SSC4D: variants seen among roughly 807,000 people sequenced by gnomAD.
The protein encoded by SSC4D is scavenger receptor cysteine-rich domain-containing group B protein.
In SSC4D, 57 loss-of-function variants were observed where a neutral mutation model predicts 63.4. That is an observed-to-expected ratio of 0.90 (90% CI 0.73 to 1.12). The LOEUF (loss-of-function observed/expected upper bound fraction) is 1.12, where lower values mean the gene tolerates loss of function less well. SSC4D is among the 50% of genes most tolerant of loss of function. The pLI is 0.00. For missense variants in SSC4D, 791 were observed against 806.4 expected, an observed-to-expected ratio of 0.98 and a Z score of 0.23; for synonymous variants, 352 against 345.4, an observed-to-expected ratio of 1.02 and a Z score of -0.21.
intron 7 of SSC4D, among the ~76,000 whole-genome samples, chr7:76,394,311 C>T (rs113110932): frequency 2.3e-3 from 351 of 152,192 alleles, no homozygotes; most frequent in African/African-American, 8.1e-3. Context: ...GTGGTGCGAT[C>T]ATAGCTCACT....
intron 10 of SSC4D, among the ~76,000 whole-genome samples, chr7:76,390,677 C>T (rs903798198): frequency 6.6e-6 from 1 of 152,004 alleles, no homozygotes; most frequent in East Asian, 1.9e-4. Context: ...ATTAGCTGGG[C>T]GTGGTGGCGG....
chr7:76,406,090 A>T (rs1234810468), intron 1 of SSC4D, among the ~76,000 whole-genome samples: 1 of 151,978 alleles, frequency 6.6e-6, no homozygotes, highest in Non-Finnish European at 1.5e-5. Flanking sequence ...GGTTCAAGCG[A>T]TTCTCCTGCC....
chr7:76,393,254 G>A, intron 9 of SSC4D, 151 bp downstream of exon 9: 1 of 773,892 alleles, frequency 1.3e-6, no homozygotes, highest in Non-Finnish European at 1.7e-6. Flanking sequence ...CCGCAGAGCG[G>A]GCGCACGGCG....
intron 1 of SSC4D, among the ~76,000 whole-genome samples, chr7:76,406,261 A>G (rs1167839498): frequency 6.6e-6 from 1 of 152,128 alleles, no homozygotes; most frequent in East Asian, 1.9e-4. Flanking sequence ...TACAGGCATG[A>G]GCCACCGCAC....
At chr7:76,403,739 G>C (rs1804904812) in intron 2 of SSC4D, among the ~76,000 whole-genome samples, 1 of 151,704 alleles carries the variant, frequency 6.6e-6, no homozygotes, top group South Asian at 2.1e-4. Context: ...TTGGCTCACT[G>C]CAACCTCCAC....
chr7:76,393,493 G>A lies in SSC4D; in HGVS notation c.1245C>T (p.Gly415=). Residue 415 remains glycine, a synonymous_variant, in exon 9 of 11, where the codon GGC becomes GGT. Transcript: ENST00000275560. ...AGCAGTCGCTCAGGCGAGCCTCGGT[G>A]CCGGCGCAGCCCACGTTGTCCAGCA... The part of the protein sequence containing the change: ...PVLLDNVGCA[G]TEARLSDCFH... 6.6e-7 allele frequency: 1 copy of A among 1,523,228 alleles called. No homozygotes were observed. 94.4% of individuals were successfully genotyped at this position (1,523,228 alleles called of 1,614,324 possible). A position where few individuals can be genotyped will look rare whatever the true frequency, so the allele number is the denominator to read the frequency against.
rs746892123 is a variant in SSC4D at position 76,400,552 on chromosome 7, C to G, written c.209G>C (p.Arg70Pro). 1 of 1,517,598 alleles carries G rather than the reference C, an allele frequency of 6.6e-7. No individual in the cohort carries two copies. Among genetic ancestry groups the G allele is most frequent in the South Asian group, 1.2e-5 (1 of 80,280 alleles). The allele number at this position is 1,517,598 out of a possible 1,614,324, so 94.0% of individuals were successfully genotyped here. A position where few individuals can be genotyped will look rare whatever the true frequency, so the allele number is the denominator to read the frequency against. ...LVGGPSRCRG[R>P]LEVMHGGSWG... The stretch of plus-strand genomic sequence containing the variant: ...GGAGCCACCGTGCATGACTTCCAGG[C>G]GGCCCCGGCAGCGGCTGGGGCCCCC... Residue 70 changes from arginine (R) to proline (P), a missense_variant, in exon 4 of 11, where the codon CGC becomes CCC. Coordinates refer to ENST00000275560, the MANE Select transcript of SSC4D (RefSeq NM_080744.2).
chr7:76,394,836 TTATATATAAGATATATATAA>T (rs1554621492), intron 7 of SSC4D, among the ~76,000 whole-genome samples: 1 of 144,488 alleles, frequency 6.9e-6, no homozygotes, highest in South Asian at 2.1e-4. Flanking sequence ...ATGATATATA[TTATATATAAGATATATATAA>T]TATATATAAG....
Position 76,400,554 on chromosome 7 carries a change from GC to G in SSC4D, c.206del (p.Gly69AlafsTer26). 1 of 1,510,064 alleles carries G rather than the reference GC, an allele frequency of 6.6e-7. No individual in the cohort carries two copies. Among genetic ancestry groups the G allele is most frequent in the Non-Finnish European group, 8.9e-7 (1 of 1,126,024 alleles). The allele number at this position is 1,510,064 out of a possible 1,614,324, so 93.5% of individuals were successfully genotyped here. A position where few individuals can be genotyped will look rare whatever the true frequency, so the allele number is the denominator to read the frequency against. On this transcript the variant is annotated frameshift_variant, in exon 4 of 11. Coordinates refer to ENST00000275560, the MANE Select transcript of SSC4D (RefSeq NM_080744.2). LOFTEE classifies it high-confidence loss of function. The stretch of plus-strand genomic sequence containing the variant: ...AGCCACCGTGCATGACTTCCAGGCG[GC>G]CCCGGCAGCGGCTGGGGCCCCCCAC... ...RLVGGPSRCR[G>X]RLEVMHGGSW...
chr7:76,396,903 T>C (rs564427544), intron 6 of SSC4D, among the ~76,000 whole-genome samples: 21 of 152,284 alleles, frequency 1.4e-4, no homozygotes, highest in African/African-American at 5.1e-4. Flanking sequence ...TGCTAGGTAA[T>C]GCTGTGAGCA....
chr7:76,404,808 G>A (rs893448346), intron 1 of SSC4D, among the ~76,000 whole-genome samples: 2 of 151,974 alleles, frequency 1.3e-5, no homozygotes, highest in Non-Finnish European at 2.9e-5. Flanking sequence ...GGTGGCTCAT[G>A]CCTGTAATCC....
intron 6 of SSC4D, among the ~76,000 whole-genome samples, chr7:76,396,734 G>A (rs1469749978): frequency 6.6e-6 from 1 of 152,232 alleles, no homozygotes; most frequent in Non-Finnish European, 1.5e-5. Flanking sequence ...TGAGTTATGA[G>A]TTGTGGGCAA....
intron 1 of SSC4D, among the ~76,000 whole-genome samples, chr7:76,405,849 C>T (rs1182712147): frequency 6.6e-6 from 1 of 152,114 alleles, no homozygotes; most frequent in Admixed American, 6.6e-5. Flanking sequence ...AGAGATTATC[C>T]TCCAGGGCTG....
In SSC4D at chr7:76,393,534, C is replaced by T. The variant is rs1465819487; in HGVS notation, c.1204G>A (p.Gly402Ser). 2 of 1,523,732 alleles carry T rather than the reference C, an allele frequency of 1.3e-6. No individual in the cohort carries two copies. Among genetic ancestry groups the T allele is most frequent in the Admixed American group, 2.0e-5 (1 of 49,904 alleles). The allele number at this position is 1,523,732 out of a possible 1,614,324, so 94.4% of individuals were successfully genotyped here. The change falls in exon 9 of 11, where the codon GGC becomes AGC. Residue 402 changes from glycine (G) to serine (S), a missense_variant. Coordinates refer to ENST00000275560, the MANE Select transcript of SSC4D (RefSeq NM_080744.2). Reference sequence around the variant, plus strand: ...TTGTCCAGCAGCACGGGGCCGCGGCCGTAGCCGAAGTGGCCCAGTCCCGTA... The same window carrying T: ...TTGTCCAGCAGCACGGGGCCGCGGCTGTAGCCGAAGTGGCCCAGTCCCGTA... ...GATGLGHFGY[G>S]RGPVLLDNVG...
chr7:76,399,628 C>A (rs1348250958), intron 4 of SSC4D, among the ~76,000 whole-genome samples: 1 of 152,086 alleles, frequency 6.6e-6, no homozygotes. Flanking sequence ...TTGACCCCCC[C>A]AGACTCCAGC....
chr7:76,407,990 GACT>G (rs1805096126), intron 1 of SSC4D, among the ~76,000 whole-genome samples: 1 of 152,220 alleles, frequency 6.6e-6, no homozygotes. Context: ...ATATGTGGGA[GACT>G]GAACTGGCAG....
At chr7:76,402,327 A>G (rs1804859507) in intron 2 of SSC4D, among the ~76,000 whole-genome samples, 2 of 151,488 alleles carry the variant, frequency 1.3e-5, no homozygotes, top group South Asian at 4.2e-4. Flanking sequence ...CTGCAGGCGC[A>G]CACCGCCACA....
At position 76,389,795 on chromosome 7, in the gene SSC4D, G is replaced by A. The variant is rs927918346; in HGVS notation, c.*264C>T. On this transcript the variant is annotated 3_prime_UTR_variant, in exon 11 of 11. Transcript: ENST00000275560. ...AGTTAGGAATCATCCTCTTCCCCTC[G>A]TTTTGGTTTTGGCTGAGCAAAACCA... The A allele has an allele frequency of 1.8e-5, 9 of 511,362 alleles. No individual in the cohort carries two copies. Among genetic ancestry groups the A allele is most frequent in the African/African-American group, 5.8e-5 (3 of 52,150 alleles). 31.7% of individuals were successfully genotyped at this position (511,362 alleles called of 1,614,324 possible). A position where few individuals can be genotyped will look rare whatever the true frequency, so the allele number is the denominator to read the frequency against.
In SSC4D at chr7:76,392,040, G is replaced by A. The variant is rs748871011; in HGVS notation, c.1335C>T (p.Gly445=). The A allele has an allele frequency of 1.1e-5, 17 of 1,568,858 alleles. No homozygotes were observed. The highest frequency in any genetic ancestry group is 1.7e-6 in the Non-Finnish European group (2 of 1,156,266). The change falls in exon 10 of 11, where the codon GGC becomes GGT. Residue 445 remains glycine (G), a splice_region_variant and synonymous_variant. Coordinates refer to ENST00000275560, the MANE Select transcript of SSC4D (RefSeq NM_080744.2). ...HHEDAGALCA[G]PEELGLQVQQ... Reference sequence around the variant, plus strand: ...GGACTTGCAGTCCCAGCTCCTCTGGGCCTGGTTCAGGAAGGACAGAGATAA... The same window carrying A: ...GGACTTGCAGTCCCAGCTCCTCTGGACCTGGTTCAGGAAGGACAGAGATAA...
Sources: allele counts gnomAD v4.1 joint callset (sites outside exome capture counted in the v4.1 genomes callset), GRCh38; gene constraint gnomAD v4.1.1; transcripts MANE v1.5; gene names NCBI Gene and HGNC (gene_info 2026-07-23, HGNC 2026-07-21).